The following AGTR1 variants were observed in gnomAD, a reference collection of about 807,000 sequenced individuals.
The protein encoded by AGTR1 is type-1 angiotensin II receptor.
Under a neutral mutation model 19.4 loss-of-function variants are expected in AGTR1, and 16 were observed. That is an observed-to-expected ratio of 0.82 (90% CI 0.56 to 1.25). The LOEUF (loss-of-function observed/expected upper bound fraction) is 1.25, where lower values mean the gene tolerates loss of function less well. Ranked by LOEUF, AGTR1 falls within the 50% of genes most tolerant of loss-of-function variation. The probability of loss-of-function intolerance (pLI) is 0.00; values close to 1 mark genes in which losing one functional copy is unlikely to be tolerated. For synonymous variants in AGTR1, 153 were observed against 154.9 expected (o/e 0.99, Z 0.09); for missense variants, 373 against 431.9 (o/e 0.86, Z 1.21).
At chr3:148,714,409 A>C (rs563279040) in intron 2 of AGTR1, among the ~76,000 whole-genome samples, 1 of 152,264 alleles carries the variant, frequency 6.6e-6, no homozygotes, top group South Asian at 2.1e-4. Context: ...CGCTCCAGGC[A>C]GAGGGTAGAG....
intron 2 of AGTR1, among the ~76,000 whole-genome samples, chr3:148,718,363 A>G (rs1713414659): frequency 6.6e-6 from 1 of 152,210 alleles, no homozygotes; most frequent in Admixed American, 6.5e-5. Context: ...GGCCTGCTGC[A>G]TATGCTAGGG....
intron 1 of AGTR1, among the ~76,000 whole-genome samples, chr3:148,703,249 ACGTAT>A (rs1712458752): frequency 6.6e-6 from 1 of 152,062 alleles, no homozygotes. Context: ...AAATTATCTC[ACGTAT>A]CCCAGTTCCC....
At chr3:148,701,844 C>CCACTTATA (rs1712364946) in intron 1 of AGTR1, among the ~76,000 whole-genome samples, 1 of 152,110 alleles carries the variant, frequency 6.6e-6, no homozygotes, top group Non-Finnish European at 1.5e-5. Flanking sequence ...GATTTCTTGT[C>CCACTTATA]CACTTATACA....
At chr3:148,733,560 T>G (rs12721298) in intron 2 of AGTR1, among the ~76,000 whole-genome samples, 7,347 of 152,286 alleles carry the variant, frequency 0.048, 187 homozygotes, top group African/African-American at 0.062. Context: ...CTGTAGTTTT[T>G]TTCACAAATT....
chr3:148,719,876 A>G (rs1203915963), intron 2 of AGTR1, among the ~76,000 whole-genome samples: 1 of 151,992 alleles, frequency 6.6e-6, no homozygotes, highest in Non-Finnish European at 1.5e-5. Flanking sequence ...TTAGTTACAT[A>G]TTTTGTTTTT....
At position 148,709,109 on chromosome 3, in the gene AGTR1, T is replaced by G. The variant is rs35469569; in HGVS notation, c.-48+1082T>G. 4.0e-3 allele frequency among the ~76,000 whole-genome samples: 612 copies of G among 152,308 alleles called. 14 individuals are homozygous for G. Among genetic ancestry groups the G allele is most frequent in the East Asian group, 0.032 (165 of 5,178 alleles). ...GGATATCTTTAGGGATGTTTTGTTT[T>G]GGGAGGTTTTTTTTCTGATTTTGTT... is the stretch of plus-strand genomic sequence containing the variant. On this transcript the variant is annotated intron_variant, in intron 2 of 2. Transcript: ENST00000349243.
chr3:148,718,419 C>T (rs909383), intron 2 of AGTR1, among the ~76,000 whole-genome samples: 47,661 of 152,022 alleles, frequency 0.31, 9,910 homozygotes, highest in African/African-American at 0.59. Context: ...AAATGGGATG[C>T]CTCATGTTCA....
intron 2 of AGTR1, among the ~76,000 whole-genome samples, chr3:148,714,256 GAACA>G (rs1350642615): frequency 2.6e-5 from 4 of 152,078 alleles, no homozygotes; most frequent in African/African-American, 9.7e-5. Flanking sequence ...ATAAAGATGA[GAACA>G]ATCACGTAAA....
At chr3:148,715,101 C>G (rs962482132) in intron 2 of AGTR1, among the ~76,000 whole-genome samples, 2 of 152,094 alleles carry the variant, frequency 1.3e-5, no homozygotes, top group African/African-American at 4.8e-5. Flanking sequence ...TATCATCCAT[C>G]CACATGTAAG....
At chr3:148,718,944 G>GGT (rs1713452706) in intron 2 of AGTR1, among the ~76,000 whole-genome samples, 1 of 152,166 alleles carries the variant, frequency 6.6e-6, no homozygotes, top group Admixed American at 6.5e-5. Flanking sequence ...AGATTATGAA[G>GGT]GTGTGCTCAG....
chr3:148,703,449 G>T (rs147346505), intron 1 of AGTR1, among the ~76,000 whole-genome samples: 2 of 152,128 alleles, frequency 1.3e-5, no homozygotes, highest in African/African-American at 2.4e-5. Flanking sequence ...TTATGAAGAG[G>T]TGTTTTCTTG....
chr3:148,741,623 C>T lies in AGTR1; in HGVS notation c.588C>T (p.Gly196=), dbSNP rs1445222764. 1 of 1,614,084 alleles carries T rather than the reference C, an allele frequency of 6.2e-7. No individual in the cohort carries two copies. The highest frequency in any genetic ancestry group is 8.5e-7 in the Non-Finnish European group (1 of 1,180,014). ...ATTCAACCCTCCCGATAGGGCTGGG[C>T]CTGACCAAAAATATACTGGGTTTCC... ...SQNSTLPIGL[G]LTKNILGFLF... The change falls in exon 3 of 3, where the codon GGC becomes GGT. Residue 196 remains glycine, a synonymous_variant. Coordinates refer to ENST00000349243, the MANE Select transcript of AGTR1 (RefSeq NM_000685.5).
chr3:148,734,454 G>A (rs1400604146), intron 2 of AGTR1, among the ~76,000 whole-genome samples: 1 of 152,174 alleles, frequency 6.6e-6, no homozygotes, highest in Non-Finnish European at 1.5e-5. Flanking sequence ...TGTGAGGTCA[G>A]ATGACAGTGG....
chr3:148,735,121 A>G (rs1024864176), intron 2 of AGTR1, among the ~76,000 whole-genome samples: 6 of 152,206 alleles, frequency 3.9e-5, no homozygotes, highest in Non-Finnish European at 5.9e-5. Context: ...CAGTAGGCAC[A>G]TATACTGAAG....
At chr3:148,715,150 T>G (rs1420280922) in intron 2 of AGTR1, among the ~76,000 whole-genome samples, 1 of 152,180 alleles carries the variant, frequency 6.6e-6, no homozygotes, top group Non-Finnish European at 1.5e-5. Flanking sequence ...TCAAATAGGC[T>G]AACTCTAAAA....
intron 2 of AGTR1, among the ~76,000 whole-genome samples, chr3:148,732,343 G>A (rs116358510): frequency 0.014 from 2,118 of 152,282 alleles, 19 homozygotes; most frequent in Admixed American, 0.036. Context: ...CATTGACCTC[G>A]TTAGTCTAGA....
At chr3:148,727,951 C>T (rs1194202967) in intron 2 of AGTR1, among the ~76,000 whole-genome samples, 3 of 152,076 alleles carry the variant, frequency 2.0e-5, no homozygotes, top group Non-Finnish European at 2.9e-5. Flanking sequence ...GACTGTCCCA[C>T]GCATTGTAAA....
chr3:148,729,251 T>C (rs1446013438), intron 2 of AGTR1, among the ~76,000 whole-genome samples: 1 of 152,230 alleles, frequency 6.6e-6, no homozygotes, highest in East Asian at 1.9e-4. Flanking sequence ...ATGGTCTTGG[T>C]GTGGCACAGG....
At chr3:148,709,745 T>C (rs972139426) in intron 2 of AGTR1, among the ~76,000 whole-genome samples, 2 of 152,144 alleles carry the variant, frequency 1.3e-5, no homozygotes, top group Non-Finnish European at 2.9e-5. Flanking sequence ...TTTAAAACTT[T>C]TACCAACTTA....
Sources: allele counts gnomAD v4.1 joint callset (sites outside exome capture counted in the v4.1 genomes callset), GRCh38; gene constraint gnomAD v4.1.1; transcripts MANE v1.5; gene names NCBI Gene and HGNC (gene_info 2026-07-23, HGNC 2026-07-21).